Variants in BRSK1 observed in about 807,000 individuals in gnomAD.
The protein encoded by BRSK1 is serine/threonine-protein kinase BRSK1.
In BRSK1, 17 loss-of-function variants were observed where a neutral mutation model predicts 86.2. The observed-to-expected ratio is 0.20, with a 90% confidence interval of 0.14 to 0.30. The LOEUF (loss-of-function observed/expected upper bound fraction) is 0.30. Among genes scored for constraint, BRSK1 ranks in the 10% least tolerant of loss-of-function variants. The pLI, the probability that BRSK1 is intolerant of heterozygous loss-of-function variation, is 1.00. For synonymous variants in BRSK1, 464 were observed against 440.1 expected, an observed-to-expected ratio of 1.05 and a Z score of -0.68; for missense variants, 719 against 1,071.9, an observed-to-expected ratio of 0.67 and a Z score of 4.60.
In BRSK1 at chr19:55,297,097, G is replaced by T. The variant is rs577476219; in HGVS notation, c.678+2700G>T. On this transcript the variant is annotated intron_variant, in intron 7 of 18. Transcript: ENST00000309383. The stretch of plus-strand genomic sequence containing the variant: ...TTTGTTTGTGTGTGTTTGTTTTTGA[G>T]ACGGATTCTTGCTCTGTCACACATG... Among the ~76,000 whole-genome samples the T allele has an allele frequency of 2.0e-4, 31 of 152,174 alleles. 1 individual carries two copies. The highest frequency in any genetic ancestry group is 7.2e-4 in the Admixed American group (11 of 15,276).
rs1201060588 is a variant in BRSK1, at chr19:55,306,422, C to T, written c.2061C>T (p.Ile687=). The change falls in exon 17 of 19, where the codon ATC becomes ATT. Residue 687 remains isoleucine (I), a synonymous_variant. Transcript: ENST00000309383. This position sits in a 1 kb window ranked among gnomAD's most constrained non-coding sequence, Gnocchi z 4.7. ...GGGACGGCAGCGGAGGTGGTGGCAT[C>T]TACTCCGTCACCTTCACTCTCATCT... The part of the protein sequence containing the change: ...PRRDGSGGGG[I]YSVTFTLISG... 4.3e-6 allele frequency: 7 copies of T among 1,613,472 alleles called. 1 individual carries two copies. In the South Asian group the frequency reaches 6.6e-5, roughly 15 times the overall value.
intron 4 of BRSK1, among the ~76,000 whole-genome samples, chr19:55,292,694 C>T (rs1188303344): frequency 3.3e-5 from 5 of 151,694 alleles, no homozygotes; most frequent in Admixed American, 6.6e-5. Flanking sequence ...ATTAGCTGGG[C>T]GTGGTGGCAC....
At chr19:55,309,736 T>C (rs2088739346) in intron 18 of BRSK1, among the ~76,000 whole-genome samples, 1 of 152,178 alleles carries the variant, frequency 6.6e-6, no homozygotes, top group Non-Finnish European at 1.5e-5. Flanking sequence ...GAGGATGCAG[T>C]GTTCAGTAGA....
rs2088653939 is a variant in BRSK1, at chr19:55,306,568, C to T, written c.2089+118C>T. On this transcript the variant is annotated intron_variant, in intron 17 of 18. Transcript: ENST00000309383. The surrounding 1 kb of genome is among the most constrained non-coding windows in gnomAD (Gnocchi z 4.7). ...GGAGGAAATGGTGTTCAGCTGGTGC[C>T]GACTCTCTGTGCTCCTCCTGCCCAC... The T allele has an allele frequency of 7.4e-6, 9 of 1,219,718 alleles. No homozygotes were observed. The highest frequency in any genetic ancestry group is 2.5e-5 in the East Asian group (1 of 40,296). 75.6% of individuals were successfully genotyped at this position (1,219,718 alleles called of 1,614,324 possible).
At position 55,310,083 on chromosome 19, in the gene BRSK1, T is replaced by C. The variant is rs2088749485; in HGVS notation, c.2179+1355T>C. 6.6e-6 allele frequency among the ~76,000 whole-genome samples: 1 copy of C among 152,188 alleles called. No homozygotes were observed. The highest frequency in any genetic ancestry group is 2.1e-4 in the South Asian group (1 of 4,832). ...CAGGTCTTTTGCTCTGGAGCCGTGG[T>C]TCTCAACTAGGGGAGCTGGTTTCAC... On this transcript the variant is annotated intron_variant, in intron 18 of 18. Coordinates refer to ENST00000309383, the MANE Select transcript of BRSK1 (RefSeq NM_032430.2). This position sits in a 1 kb window ranked among gnomAD's most constrained non-coding sequence, Gnocchi z 5.0.
At chr19:55,305,391 A>C (rs775233402) in intron 15 of BRSK1, 22 bp downstream of exon 15, 24 of 1,614,066 alleles carry the variant, frequency 1.5e-5, no homozygotes, top group Admixed American at 6.7e-5. Flanking sequence ...AGGGAAGGAA[A>C]GAGTGGGGAT....
intron 3 of BRSK1, among the ~76,000 whole-genome samples, chr19:55,288,635 G>C (rs1389103744): frequency 3.3e-5 from 5 of 151,962 alleles, no homozygotes; most frequent in African/African-American, 4.8e-5. Flanking sequence ...GCCCAGGCTG[G>C]AGTGCAATGG....
intron 18 of BRSK1, 27 bp from the exon 19 acceptor site, chr19:55,311,884 C>T: frequency 6.2e-7 from 1 of 1,608,974 alleles, no homozygotes; most frequent in Non-Finnish European, 8.5e-7. Flanking sequence ...CTGCGGAACC[C>T]ACGAAAAACC....
chr19:55,306,564 G>T lies in BRSK1; in HGVS notation c.2089+114G>T. 1 of 1,260,026 alleles carries T rather than the reference G, an allele frequency of 7.9e-7. No individual in the cohort carries two copies. Among genetic ancestry groups the T allele is most frequent in the South Asian group, 1.3e-5 (1 of 74,512 alleles). The allele number at this position is 1,260,026 out of a possible 1,614,324, so 78.1% of individuals were successfully genotyped here. ...AGGAGGAGGAAATGGTGTTCAGCTGGTGCCGACTCTCTGTGCTCCTCCTGC... is the reference window on the plus strand; with the variant it reads ...AGGAGGAGGAAATGGTGTTCAGCTGTTGCCGACTCTCTGTGCTCCTCCTGC... On this transcript the variant is annotated intron_variant, in intron 17 of 18. Coordinates refer to ENST00000309383, the MANE Select transcript of BRSK1 (RefSeq NM_032430.2). This position sits in a 1 kb window ranked among gnomAD's most constrained non-coding sequence, Gnocchi z 4.7.
In BRSK1 at chr19:55,307,903, G is replaced by A. The variant is rs1418333459; in HGVS notation, c.2090-736G>A. Among the ~76,000 whole-genome samples, 11 of 146,430 alleles carry A rather than the reference G, an allele frequency of 7.5e-5. 1 individual carries two copies. The highest frequency in any genetic ancestry group is 6.4e-4 in the East Asian group (3 of 4,692). The stretch of plus-strand genomic sequence containing the variant: ...CAGGAGGTTGAGGCTGCAGTGAGCC[G>A]TGATCGCGCCACTGCACTCCAGCCT... On this transcript the variant is annotated intron_variant, in intron 17 of 18. Coordinates refer to ENST00000309383, the MANE Select transcript of BRSK1 (RefSeq NM_032430.2).
chr19:55,305,048 G>C, intron 14 of BRSK1, 128 bp downstream of exon 14: 1 of 1,410,386 alleles, frequency 7.1e-7, no homozygotes, highest in Non-Finnish European at 9.5e-7. Context: ...ACGTTCTAGA[G>C]AAGAGGGGGT....
intron 7 of BRSK1, among the ~76,000 whole-genome samples, chr19:55,296,786 T>C (rs2088494949): frequency 6.6e-6 from 1 of 151,758 alleles, no homozygotes; most frequent in African/African-American, 2.4e-5. Flanking sequence ...AGGCGGAGCT[T>C]GCAGTGAGCC....
rs1405412374 is a variant in BRSK1, at chr19:55,304,518, C to T, written c.1348-33C>T. On this transcript the variant is annotated intron_variant, in intron 13 of 18. Coordinates refer to ENST00000309383, the MANE Select transcript of BRSK1 (RefSeq NM_032430.2). This position sits in a 1 kb window ranked among gnomAD's most constrained non-coding sequence, Gnocchi z 5.2. Reference sequence around the variant, plus strand: ...CTAGAGCCTCCTGGGAGTTGTAGTCCACTCGCTTATCTCAGTCTCCTGTCC... The same window carrying T: ...CTAGAGCCTCCTGGGAGTTGTAGTCTACTCGCTTATCTCAGTCTCCTGTCC... 2 of 1,515,872 alleles carry T rather than the reference C, an allele frequency of 1.3e-6. No homozygotes were observed. Among genetic ancestry groups the T allele is most frequent in the East Asian group, 2.3e-5 (1 of 42,710 alleles). The allele number at this position is 1,515,872 out of a possible 1,614,324, so 93.9% of individuals were successfully genotyped here.
chr19:55,312,093 G>T lies in BRSK1; in HGVS notation c.*25G>T. On this transcript the variant is annotated 3_prime_UTR_variant, in exon 19 of 19. Coordinates refer to ENST00000309383, the MANE Select transcript of BRSK1 (RefSeq NM_032430.2). ...ACCCCACGGGGCCGGGGAGGGAGGG[G>T]ACCCCCCTCCACCCCCCTTCCGTGC... 7.6e-7 allele frequency: 1 copy of T among 1,309,120 alleles called. No individual in the cohort carries two copies. The highest frequency in any genetic ancestry group is 1.0e-6 in the Non-Finnish European group (1 of 987,844). The allele number at this position is 1,309,120 out of a possible 1,614,324, so 81.1% of individuals were successfully genotyped here.
chr19:55,306,311 C>T lies in BRSK1; in HGVS notation c.1950C>T (p.Ala650=). 1.2e-6 allele frequency: 2 copies of T among 1,614,184 alleles called. No homozygotes were observed. The highest frequency in any genetic ancestry group is 1.7e-6 in the Non-Finnish European group (2 of 1,180,048). ...SQTSFRAEYK[A]SGGPSVFQKP... is the part of the protein sequence containing the mutation. ...CCAGCTTCAGGGCCGAGTACAAGGCCAGTGGCGGCCCCTCCGTCTTCCAAA... is the reference window on the plus strand; with the variant it reads ...CCAGCTTCAGGGCCGAGTACAAGGCTAGTGGCGGCCCCTCCGTCTTCCAAA... Residue 650 remains alanine (A), a synonymous_variant, in exon 17 of 19, where the codon GCC becomes GCT. Coordinates refer to ENST00000309383, the MANE Select transcript of BRSK1 (RefSeq NM_032430.2). This position sits in a 1 kb window ranked among gnomAD's most constrained non-coding sequence, Gnocchi z 4.7.
chr19:55,296,363 T>A (rs2088486918), intron 7 of BRSK1, among the ~76,000 whole-genome samples: 1 of 152,188 alleles, frequency 6.6e-6, no homozygotes, highest in Non-Finnish European at 1.5e-5. Context: ...AAACCTAAAG[T>A]TGACACATGT....
In BRSK1 at chr19:55,284,709, G is replaced by T. The variant is rs111614501; in HGVS notation, c.136+131G>T. The stretch of plus-strand genomic sequence containing the variant: ...TGGGCCCCTCATAGAGAAGGGACTT[G>T]GGATTCAGACTCCTGGGTCCCTGGA... On this transcript the variant is annotated intron_variant, in intron 1 of 18. Coordinates refer to ENST00000309383, the MANE Select transcript of BRSK1 (RefSeq NM_032430.2). The T allele has an allele frequency of 4.7e-3, 3,801 of 805,016 alleles. 60 individuals are homozygous for T. Among genetic ancestry groups the T allele is most frequent in the African/African-American group, 0.043 (2,392 of 55,798 alleles). 49.9% of individuals were successfully genotyped at this position (805,016 alleles called of 1,614,324 possible). A position where few individuals can be genotyped will look rare whatever the true frequency, so the allele number is the denominator to read the frequency against.
In BRSK1 at chr19:55,305,026, G is replaced by T. The variant is rs1168911655; in HGVS notation, c.1717+106G>T. Reference sequence around the variant, plus strand: ...GTGTCTAGAGAGGAAGGGACTGGGGGCCTGGATTCCCACGTTCTAGAGAAG... The same window carrying T: ...GTGTCTAGAGAGGAAGGGACTGGGGTCCTGGATTCCCACGTTCTAGAGAAG... On this transcript the variant is annotated intron_variant, in intron 14 of 18. Coordinates refer to ENST00000309383, the MANE Select transcript of BRSK1 (RefSeq NM_032430.2). The T allele has an allele frequency of 6.1e-5, 92 of 1,500,454 alleles. 1 individual carries two copies. Among genetic ancestry groups the T allele is most frequent in the Non-Finnish European group, 7.9e-5 (89 of 1,120,698 alleles). The allele number at this position is 1,500,454 out of a possible 1,614,324, so 92.9% of individuals were successfully genotyped here.
At chr19:55,296,188 C>T (rs1486853285) in intron 7 of BRSK1, among the ~76,000 whole-genome samples, 3 of 152,064 alleles carry the variant, frequency 2.0e-5, no homozygotes, top group Admixed American at 2.0e-4. Flanking sequence ...GTGGTAGGCT[C>T]CCTTCTTCCT....
Sources: allele counts gnomAD v4.1 joint callset (sites outside exome capture counted in the v4.1 genomes callset), GRCh38; gene constraint gnomAD v4.1.1; non-coding constraint Gnocchi (gnomAD v3.1); transcripts MANE v1.5; gene names NCBI Gene and HGNC (gene_info 2026-07-23, HGNC 2026-07-21).